Variants in LUC7L observed in about 807,000 individuals in gnomAD.
LUC7L encodes the protein putative RNA-binding protein Luc7-like 1.
LUC7L carries 29 observed loss-of-function variants against 51.1 expected under a neutral mutation model. That is an observed-to-expected ratio of 0.57 (90% confidence interval 0.42 to 0.77). The LOEUF (loss-of-function observed/expected upper bound fraction) is 0.77, where lower values mean the gene tolerates loss of function less well. Ranked by LOEUF, LUC7L falls within the 30% of genes least tolerant of loss-of-function variation. The pLI is 0.00. For synonymous variants in LUC7L, 181 were observed against 180.7 expected, an observed-to-expected ratio of 1.00 and a Z score of -0.01; for missense variants, 403 against 511.9, an observed-to-expected ratio of 0.79 and a Z score of 2.05.
chr16:206,293 C>T lies in LUC7L; in HGVS notation c.367-146G>A, dbSNP rs959229495. 3.2e-5 allele frequency: 24 copies of T among 754,342 alleles called. No homozygotes were observed. The Admixed American group carries it at 4.0e-4, about 13-fold the overall frequency. The allele number at this position is 754,342 out of a possible 1,614,324, so 46.7% of individuals were successfully genotyped here. A position where few individuals can be genotyped will look rare whatever the true frequency, so the allele number is the denominator to read the frequency against. On this transcript the variant is annotated intron_variant, in intron 4 of 9. Transcript: ENST00000293872. The stretch of plus-strand genomic sequence containing the variant: ...CTTAACAATGAAGGCATCCTTACTG[C>T]CAGCATTGAGACTGTAACCATAAAC...
chr16:222,951 TAAAAAA>T (rs376499817), intron 2 of LUC7L, among the ~76,000 whole-genome samples: 1 of 119,890 alleles, frequency 8.3e-6, no homozygotes, highest in Non-Finnish European at 1.8e-5. Flanking sequence ...CCCCGTCTTT[TAAAAAA>T]AAAAAAAAAA....
At chr16:225,847 A>G (rs2050118246) in intron 2 of LUC7L, among the ~76,000 whole-genome samples, 1 of 152,112 alleles carries the variant, frequency 6.6e-6, no homozygotes, top group East Asian at 1.9e-4. Context: ...TCTCACTCAG[A>G]TTATTTTTCT....
chr16:200,007 C>A (rs1229055037), intron 5 of LUC7L, among the ~76,000 whole-genome samples: 1 of 151,140 alleles, frequency 6.6e-6, no homozygotes, highest in Non-Finnish European at 1.5e-5. Context: ...AAGGTACTAA[C>A]AGGCTGGGCT....
intron 2 of LUC7L, among the ~76,000 whole-genome samples, chr16:225,151 A>G (rs568218622): frequency 1.3e-5 from 2 of 152,138 alleles, no homozygotes; most frequent in African/African-American, 2.4e-5. Flanking sequence ...CTGGTCTAAC[A>G]CTACTGACCA....
intron 5 of LUC7L, among the ~76,000 whole-genome samples, chr16:204,861 A>G (rs749713692): frequency 1.3e-5 from 2 of 152,154 alleles, no homozygotes; most frequent in South Asian, 2.1e-4. Flanking sequence ...GCATTACTCA[A>G]AGTTTATGGT....
intron 5 of LUC7L, among the ~76,000 whole-genome samples, chr16:202,298 T>C (rs188975615): frequency 6.4e-4 from 97 of 152,028 alleles, no homozygotes; most frequent in African/African-American, 2.2e-3. Flanking sequence ...AGCTCTGAGG[T>C]GAACTCACTA....
intron 2 of LUC7L, among the ~76,000 whole-genome samples, chr16:221,388 C>G (rs915897153): frequency 6.6e-6 from 1 of 151,912 alleles, no homozygotes; most frequent in Non-Finnish European, 1.5e-5. Context: ...TAAATGGCAG[C>G]ATGTGGGGTG....
chr16:219,121 T>A (rs2142105172), intron 3 of LUC7L, among the ~76,000 whole-genome samples: 1 of 151,898 alleles, frequency 6.6e-6, no homozygotes, highest in South Asian at 2.1e-4. Context: ...ACAGGCGCGG[T>A]GGCTCACAGC....
chr16:221,355 T>C (rs1209317708), intron 2 of LUC7L, among the ~76,000 whole-genome samples: 1 of 152,040 alleles, frequency 6.6e-6, no homozygotes, highest in African/African-American at 2.4e-5. Context: ...CAGTTTTATT[T>C]ATGCATCAGT....
intron 3 of LUC7L, among the ~76,000 whole-genome samples, chr16:211,411 T>TC: frequency 6.7e-6 from 1 of 149,312 alleles, no homozygotes; most frequent in African/African-American, 2.5e-5. Context: ...TGAGCCAAGA[T>TC]CACGCCACTG....
intron 7 of LUC7L, 117 bp from the exon 8 acceptor site, chr16:190,687 C>G: frequency 2.2e-6 from 2 of 889,820 alleles, no homozygotes; most frequent in Non-Finnish European, 3.7e-6. Context: ...GGAGACCAGC[C>G]TGGACAACGT....
At chr16:223,800 G>C (rs2050044477) in intron 2 of LUC7L, among the ~76,000 whole-genome samples, 1 of 151,858 alleles carries the variant, frequency 6.6e-6, no homozygotes. Context: ...CTCCCGAATA[G>C]CTGGGACTAC....
chr16:189,326 G>A lies in LUC7L; in HGVS notation c.988C>T (p.Arg330Trp), dbSNP rs755909015. Residue 330 changes from arginine to tryptophan, a missense_variant, in exon 10 of 10, where the codon CGG becomes TGG. This residue lies in a region of LUC7L where 206 missense variants were observed against 218.3 expected (regional missense o/e 0.94). Coordinates refer to ENST00000293872, the MANE Select transcript of LUC7L (RefSeq NM_201412.3). Reference sequence around the variant, plus strand: ...TCCCAGGACTCCTCTCTGGATGCCCGCTCTCTGGAGAACCTGGGAAATGGG... The same window carrying A: ...TCCCAGGACTCCTCTCTGGATGCCCACTCTCTGGAGAACCTGGGAAATGGG... Reference protein sequence around the residue: ...RSAKYKFSRERASREESWESG... With the variant: ...RSAKYKFSREWASREESWESG... The A allele has an allele frequency of 4.8e-5, 78 of 1,609,678 alleles. No homozygotes were observed. Among genetic ancestry groups the A allele is most frequent in the Non-Finnish European group, 6.0e-5 (71 of 1,178,652 alleles).
chr16:199,639 C>T (rs766449321), intron 5 of LUC7L, among the ~76,000 whole-genome samples: 3 of 151,362 alleles, frequency 2.0e-5, no homozygotes, highest in African/African-American at 4.9e-5. Context: ...GGTGTGGTGG[C>T]GCATGCCTGT....
intron 2 of LUC7L, among the ~76,000 whole-genome samples, chr16:221,121 G>T (rs1442167284): frequency 2.0e-5 from 3 of 150,714 alleles, no homozygotes; most frequent in Non-Finnish European, 4.4e-5. Context: ...CGGGGTTCAG[G>T]CAATTCTCCT....
At chr16:204,600 A>C (rs1188378809) in intron 5 of LUC7L, among the ~76,000 whole-genome samples, 1 of 152,114 alleles carries the variant, frequency 6.6e-6, no homozygotes, top group Non-Finnish European at 1.5e-5. Context: ...TCTCAAAAAA[A>C]AAAAAAAGAG....
chr16:225,849 T>C (rs1241804587), intron 2 of LUC7L, among the ~76,000 whole-genome samples: 1 of 152,104 alleles, frequency 6.6e-6, no homozygotes, highest in East Asian at 1.9e-4. Context: ...TCACTCAGAT[T>C]ATTTTTCTCA....
chr16:224,758 A>G (rs1232420019), intron 2 of LUC7L, among the ~76,000 whole-genome samples: 1 of 151,820 alleles, frequency 6.6e-6, no homozygotes, highest in East Asian at 1.9e-4. Flanking sequence ...GCTTGAACCC[A>G]GGAGACAGAG....
At chr16:228,697 C>A in intron 1 of LUC7L, 1 of 1,205,868 alleles carries the variant, frequency 8.3e-7, no homozygotes. Flanking sequence ...ACAGTACAAC[C>A]TACCTAACGA....
Sources: allele counts gnomAD v4.1 joint callset (sites outside exome capture counted in the v4.1 genomes callset), GRCh38; gene constraint gnomAD v4.1.1; regional missense constraint gnomAD v4.1.1; transcripts MANE v1.5; gene names NCBI Gene and HGNC (gene_info 2026-07-23, HGNC 2026-07-21).